CREBRF: variants seen among roughly 807,000 people sequenced by gnomAD.
CREBRF encodes UPF0474 protein C5orf41.
A neutral mutation model predicts 66.1 loss-of-function variants in CREBRF; 5 were observed. The observed-to-expected ratio is 0.08, with a 90% CI of 0.04 to 0.16. The LOEUF (loss-of-function observed/expected upper bound fraction) is 0.16. CREBRF is among the 10% of genes least tolerant of loss of function. The probability of loss-of-function intolerance (pLI) is 1.00; values close to 1 mark genes in which losing one functional copy is unlikely to be tolerated. For missense variants in CREBRF, 531 were observed against 744.9 expected (o/e 0.71, Z 3.34); for synonymous variants, 229 against 264.4 (o/e 0.87, Z 1.30).
chr5:173,093,322 T>C lies in CREBRF; in HGVS notation c.1222+1921T>C, dbSNP rs535603902. On this transcript the variant is annotated intron_variant, in intron 4 of 8. Transcript: ENST00000296953. ...GTAGTTTTGCTTTTCTTTGACTTTTTCCCCCCAGCTTTATTGAGGTATGTT... is the reference window on the plus strand; with the variant it reads ...GTAGTTTTGCTTTTCTTTGACTTTTCCCCCCCAGCTTTATTGAGGTATGTT... Among the ~76,000 whole-genome samples, 138 of 152,240 alleles carry C rather than the reference T, an allele frequency of 9.1e-4. No homozygotes were observed. In the South Asian group the frequency reaches 0.021, roughly 23 times the overall value.
intron 4 of CREBRF, among the ~76,000 whole-genome samples, chr5:173,107,817 A>ATTTTTTTTTTT (rs559120882): frequency 8.2e-6 from 1 of 121,844 alleles, no homozygotes; most frequent in Non-Finnish European, 1.8e-5. Flanking sequence ...TCTCTACAAA[A>ATTTTTTTTTTT]TTTTTTTTTT....
At position 173,086,538 on chromosome 5, in the gene CREBRF, C is replaced by A; in HGVS notation, c.47C>A (p.Ala16Asp). 1.9e-6 allele frequency: 3 copies of A among 1,613,728 alleles called. No homozygotes were observed. The highest frequency in any genetic ancestry group is 1.7e-5 in the Admixed American group (1 of 59,986). Residue 16 changes from alanine (A) to aspartate (D), a missense_variant, in exon 3 of 9, where the codon GCC becomes GAC. By Grantham distance (126) the Ala-to-Asp change is moderately radical. This residue lies in a region of CREBRF where 133 missense variants were observed against 215.6 expected (regional missense o/e 0.62). Transcript: ENST00000296953. The part of the protein sequence containing the change: ...VSGMDPPFGD[A>D]FRSHTFSEQT... ...GGAATGGATCCGCCTTTCGGGGATGCCTTTCGAAGCCACACCTTTTCGGAA... is the reference window on the plus strand; with the variant it reads ...GGAATGGATCCGCCTTTCGGGGATGACTTTCGAAGCCACACCTTTTCGGAA...
intron 2 of CREBRF, chr5:173,085,413 CTT>C (rs371399043): frequency 2.3e-3 from 1,646 of 713,392 alleles, no homozygotes; most frequent in South Asian, 2.6e-3. Flanking sequence ...CAAATACATT[CTT>C]TTTTTTTTTT....
chr5:173,137,886 T>C lies in CREBRF; in HGVS notation c.*4141T>C, dbSNP rs1389608214. The C allele has an allele frequency of 1.3e-5, 2 of 152,176 alleles. No individual in the cohort carries two copies. The highest frequency in any genetic ancestry group is 1.3e-4 in the Admixed American group (2 of 15,276). The allele number at this position is 152,176 out of a possible 1,614,324, so 9.4% of individuals were successfully genotyped here. On this transcript the variant is annotated 3_prime_UTR_variant, in exon 9 of 9. Coordinates refer to ENST00000296953, the MANE Select transcript of CREBRF (RefSeq NM_153607.3). ...AGAATTAACAAAAACTTATGTTCCC[T>C]TTCTTTATATAGTTTCCTAAAATTC... is the stretch of plus-strand genomic sequence containing the variant.
At chr5:173,117,484 C>G (rs1034041077) in intron 7 of CREBRF, among the ~76,000 whole-genome samples, 7 of 150,142 alleles carry the variant, frequency 4.7e-5, no homozygotes, top group Non-Finnish European at 8.9e-5. Flanking sequence ...TTTTCCTTTC[C>G]TTTTCCTTTT....
intron 1 of CREBRF, among the ~76,000 whole-genome samples, chr5:173,074,957 TA>T (rs1164050774): frequency 1.3e-5 from 2 of 152,162 alleles, no homozygotes; most frequent in Non-Finnish European, 1.5e-5. Flanking sequence ...AATGTGAGGA[TA>T]AAAGACTATT....
At chr5:173,096,392 C>A (rs2113749155) in intron 4 of CREBRF, among the ~76,000 whole-genome samples, 1 of 151,550 alleles carries the variant, frequency 6.6e-6, no homozygotes, top group South Asian at 2.1e-4. Flanking sequence ...TCCCTTCCCT[C>A]CCTTCCTTTT....
At chr5:173,086,291 A>C in intron 2 of CREBRF, 1 of 640,678 alleles carries the variant, frequency 1.6e-6, no homozygotes, top group Non-Finnish European at 2.8e-6. Context: ...GCAGCACTCT[A>C]TTTTTTCTAT....
intron 7 of CREBRF, among the ~76,000 whole-genome samples, chr5:173,117,474 TTTTCC>T (rs1380099504): frequency 6.6e-6 from 1 of 151,254 alleles, no homozygotes; most frequent in African/African-American, 2.4e-5. Context: ...CATTGGCATC[TTTTCC>T]TTTCCTTTTC....
At chr5:173,097,437 G>GT (rs767002572) in intron 4 of CREBRF, among the ~76,000 whole-genome samples, 3 of 152,040 alleles carry the variant, frequency 2.0e-5, no homozygotes, top group Non-Finnish European at 4.4e-5. Flanking sequence ...TAGAGATGAA[G>GT]TTTCGTCATG....
At chr5:173,079,952 T>C (rs190173045) in intron 1 of CREBRF, among the ~76,000 whole-genome samples, 5 of 152,332 alleles carry the variant, frequency 3.3e-5, no homozygotes, top group African/African-American at 1.2e-4. Flanking sequence ...TTGAAACCAC[T>C]CTGCAAAGCA....
Position 173,134,387 on chromosome 5 carries a change from A to T in CREBRF, c.*642A>T, listed in dbSNP as rs1022322700. 6.0e-6 allele frequency: 2 copies of T among 333,902 alleles called. No individual in the cohort carries two copies. The highest frequency in any genetic ancestry group is 1.2e-5 in the Non-Finnish European group (2 of 166,614). The allele number at this position is 333,902 out of a possible 1,614,324, so 20.7% of individuals were successfully genotyped here. A position where few individuals can be genotyped will look rare whatever the true frequency, so the allele number is the denominator to read the frequency against. On this transcript the variant is annotated 3_prime_UTR_variant, in exon 9 of 9. Transcript: ENST00000296953. ...AACTCTAAAACTGGTAATATTTTGT[A>T]TGATGAAAACCCTAATGAGAAAAAA... is the stretch of plus-strand genomic sequence containing the variant.
chr5:173,122,113 T>G (rs1031701132), intron 7 of CREBRF, among the ~76,000 whole-genome samples: 13 of 152,242 alleles, frequency 8.5e-5, no homozygotes, highest in Admixed American at 3.9e-4. Flanking sequence ...GTTGTTGTTG[T>G]TTTTTGAGAG....
At chr5:173,100,712 C>G (rs1261055497) in intron 4 of CREBRF, among the ~76,000 whole-genome samples, 1 of 152,246 alleles carries the variant, frequency 6.6e-6, no homozygotes, top group Non-Finnish European at 1.5e-5. Context: ...GCGTGAGCCA[C>G]ACCGCTCCCC....
At chr5:173,127,203 C>T (rs1449531679) in intron 8 of CREBRF, among the ~76,000 whole-genome samples, 1 of 149,766 alleles carries the variant, frequency 6.7e-6, no homozygotes, top group Non-Finnish European at 1.5e-5. Context: ...CCCTCTGTCA[C>T]CCAGGCTAGA....
intron 8 of CREBRF, 63 bp from the exon 9 acceptor site, chr5:173,133,567 C>G: frequency 2.3e-6 from 2 of 885,414 alleles, no homozygotes; most frequent in East Asian, 2.5e-5. Context: ...TTACCAGCTC[C>G]TTCCCTTCCC....
intron 1 of CREBRF, among the ~76,000 whole-genome samples, chr5:173,061,050 C>T (rs1372311995): frequency 2.0e-5 from 3 of 152,168 alleles, no homozygotes; most frequent in Non-Finnish European, 4.4e-5. Flanking sequence ...TCACTGCAAC[C>T]TCCGCCTCCC....
At chr5:173,117,152 G>A (rs765538228) in intron 7 of CREBRF, among the ~76,000 whole-genome samples, 2 of 152,080 alleles carry the variant, frequency 1.3e-5, no homozygotes, top group Non-Finnish European at 2.9e-5. Context: ...GCTGATATGG[G>A]TCAATCACCC....
At position 173,088,072 on chromosome 5, in the gene CREBRF, C is replaced by T. The variant is rs564370740; in HGVS notation, c.135+1446C>T. 1.1e-4 allele frequency among the ~76,000 whole-genome samples: 17 copies of T among 151,748 alleles called. No individual in the cohort carries two copies. In the East Asian group the frequency reaches 3.4e-3, roughly 30 times the overall value. On this transcript the variant is annotated intron_variant, in intron 3 of 8. Coordinates refer to ENST00000296953, the MANE Select transcript of CREBRF (RefSeq NM_153607.3). ...ACTCCTGACCTCGTGATCCACCCACCTCGGAGTGCTGGGATTACAGGTGTG... is the reference window on the plus strand; with the variant it reads ...ACTCCTGACCTCGTGATCCACCCACTTCGGAGTGCTGGGATTACAGGTGTG...
Sources: gnomAD v4.1 joint callset for allele counts (sites outside exome capture counted in the v4.1 genomes callset) on GRCh38, gnomAD v4.1.1 for gene constraint, gnomAD v4.1.1 regional missense constraint, MANE v1.5 for transcripts, NCBI Gene and HGNC (gene_info 2026-07-23, HGNC 2026-07-21) for gene names.